CBX2: variants seen among roughly 807,000 people sequenced by gnomAD.
The protein encoded by CBX2 is chromobox protein homolog 2.
CBX2 carries 11 observed loss-of-function variants against 21.0 expected under a neutral mutation model. The ratio of observed to expected loss-of-function variants is 0.52; its 90% CI spans 0.33 to 0.87. CBX2 has a LOEUF of 0.87. Among genes scored for constraint, CBX2 ranks in the 40% least tolerant of loss-of-function variants. The pLI is 0.02. For synonymous variants in CBX2, 364 were observed against 304.6 expected (o/e 1.19, Z -2.03); for missense variants, 746 against 724.3 (o/e 1.03, Z -0.34).
Position 79,784,592 on chromosome 17 carries a change from C to T in CBX2, c.1149C>T (p.Ala383=). The T allele has an allele frequency of 6.2e-7, 1 of 1,612,636 alleles. No individual in the cohort carries two copies. The highest frequency in any genetic ancestry group is 8.5e-7 in the Non-Finnish European group (1 of 1,179,946). Residue 383 remains alanine, a synonymous_variant, in exon 5 of 5, where the codon GCC becomes GCT. Coordinates refer to ENST00000310942, the MANE Select transcript of CBX2 (RefSeq NM_005189.3). This position sits in a 1 kb window ranked among gnomAD's most constrained non-coding sequence, Gnocchi z 5.9. ...CCACCGCCACCAAGGGTGTCCCGGC[C>T]ACCAACCCAGCCCCTGGGAAGGGCA... ...RHATATKGVP[A]TNPAPGKGTG...
chr17:79,784,781 C>A lies in CBX2; in HGVS notation c.1338C>A (p.Pro446=). ...TPSGQESRTA[P]GEARKAATLP... ...GTGGGCAGGAGAGCCGCACAGCCCC[C>A]GGAGAAGCCCGCAAGGCGGCCACAC... The change falls in exon 5 of 5, where the codon CCC becomes CCA. Residue 446 remains proline, a synonymous_variant. Coordinates refer to ENST00000310942, the MANE Select transcript of CBX2 (RefSeq NM_005189.3). The surrounding 1 kb of genome is among the most constrained non-coding windows in gnomAD (Gnocchi z 5.9). 1 of 1,610,260 alleles carries A rather than the reference C, an allele frequency of 6.2e-7. No individual in the cohort carries two copies. The highest frequency in any genetic ancestry group is 2.2e-5 in the East Asian group (1 of 44,696).
chr17:79,781,705 G>A lies in CBX2; in HGVS notation c.192G>A (p.Glu64=). Residue 64 remains glutamate (E), a synonymous_variant, in exon 4 of 5, where the codon GAG becomes GAA. Transcript: ENST00000310942. ...LLLAFQKKEH[E]KEVQNRKRGK... ...AGTGGTGTGCCTTCAGGGAACATGA[G>A]AAGGAGGTGCAGAACCGGAAGAGAG... is the stretch of plus-strand genomic sequence containing the variant. 6.2e-7 allele frequency: 1 copy of A among 1,613,994 alleles called. No individual in the cohort carries two copies. Among genetic ancestry groups the A allele is most frequent in the Non-Finnish European group, 8.5e-7 (1 of 1,179,958 alleles).
At chr17:79,782,944 A>G (rs549119399) in intron 4 of CBX2, among the ~76,000 whole-genome samples, 3 of 152,170 alleles carry the variant, frequency 2.0e-5, no homozygotes, top group Non-Finnish European at 4.4e-5. Flanking sequence ...ACAGTGGTTT[A>G]TTTACCTGTA....
At chr17:79,781,869 G>A (rs543964914) in intron 4 of CBX2, 68 bp downstream of exon 4, 1 of 1,614,178 alleles carries the variant, frequency 6.2e-7, no homozygotes, top group African/African-American at 1.3e-5. Flanking sequence ...GGCAGGCAGA[G>A]GGAGGGTTTG....
chr17:79,782,417 C>G, intron 4 of CBX2: 1 of 1,332,360 alleles, frequency 7.5e-7, no homozygotes, highest in South Asian at 1.5e-5. Context: ...CCCCTGGGGT[C>G]CGTGGTAGGG....
In CBX2 at chr17:79,786,713, A is replaced by G. The variant is rs1291698580; in HGVS notation, c.*1671A>G. On this transcript the variant is annotated 3_prime_UTR_variant, in exon 5 of 5. Transcript: ENST00000310942. ...GCCAGCAGGCATGGGGCTACATTCCAGTGCCTGACTATAGGGAGGCACTCC... is the reference window on the plus strand; with the variant it reads ...GCCAGCAGGCATGGGGCTACATTCCGGTGCCTGACTATAGGGAGGCACTCC... 1.3e-5 allele frequency: 2 copies of G among 152,694 alleles called. No homozygotes were observed. Among genetic ancestry groups the G allele is most frequent in the African/African-American group, 2.4e-5 (1 of 41,452 alleles). 9.5% of individuals were successfully genotyped at this position (152,694 alleles called of 1,614,324 possible).
intron 3 of CBX2, among the ~76,000 whole-genome samples, chr17:79,780,004 C>G (rs548027794): frequency 4.3e-4 from 66 of 152,356 alleles, no homozygotes; most frequent in Non-Finnish European, 7.2e-4. Context: ...AGACTTGTTT[C>G]TGTAATTCTA....
intron 3 of CBX2, 70 bp from the exon 4 acceptor site, chr17:79,781,626 C>T: frequency 7.5e-7 from 1 of 1,333,372 alleles, no homozygotes; most frequent in Non-Finnish European, 1.1e-6. Context: ...TGCTGGAAGC[C>T]ATAGAGTCCC....
chr17:79,783,332 G>T lies in CBX2; in HGVS notation c.289-400G>T, dbSNP rs11869298. On this transcript the variant is annotated intron_variant, in intron 4 of 4. Coordinates refer to ENST00000310942, the MANE Select transcript of CBX2 (RefSeq NM_005189.3). The stretch of plus-strand genomic sequence containing the variant: ...CCACAGGAGTTGATGGCTGCAAGGT[G>T]CCCAGTGTTCCTTGGGGACAGCATG... 5.9e-3 allele frequency among the ~76,000 whole-genome samples: 896 copies of T among 152,264 alleles called. 10 individuals carry two copies. Among genetic ancestry groups the T allele is most frequent in the African/African-American group, 0.02 (830 of 41,554 alleles).
chr17:79,779,277 G>C (rs913429691), intron 2 of CBX2, 85 bp from the exon 3 acceptor site: 2 of 1,303,292 alleles, frequency 1.5e-6, no homozygotes, highest in African/African-American at 1.4e-5. Context: ...GTCGAGGAGC[G>C]GTGAGGGCGA....
At chr17:79,779,961 G>A (rs1598220959) in intron 3 of CBX2, among the ~76,000 whole-genome samples, 2 of 152,398 alleles carry the variant, frequency 1.3e-5, no homozygotes, top group East Asian at 3.9e-4. Flanking sequence ...GCAGCATACA[G>A]TACCAAGTAG....
In CBX2 at chr17:79,778,220, C is replaced by G; in HGVS notation, c.-16C>G. ...ACTGGCGGCGGGCGCCGCGGTCGGG[C>G]TGGCTGCCGGGCAGCATGGAGGAGC... On this transcript the variant is annotated 5_prime_UTR_variant, in exon 1 of 5. Coordinates refer to ENST00000310942, the MANE Select transcript of CBX2 (RefSeq NM_005189.3). The surrounding 1 kb of genome is among the most constrained non-coding windows in gnomAD (Gnocchi z 4.8). The G allele has an allele frequency of 1.0e-5, 14 of 1,355,634 alleles. No homozygotes were observed. Among genetic ancestry groups the G allele is most frequent in the Non-Finnish European group, 1.3e-5 (14 of 1,049,702 alleles). 84.0% of individuals were successfully genotyped at this position (1,355,634 alleles called of 1,614,324 possible).
intron 3 of CBX2, chr17:79,779,824 C>T (rs1907039233): frequency 3.3e-6 from 1 of 306,180 alleles, no homozygotes; most frequent in Non-Finnish European, 6.5e-6. Flanking sequence ...GCAGGTCTGC[C>T]CTTCCAGCCC....
chr17:79,779,380 G>T lies in CBX2; in HGVS notation c.135G>T (p.Pro45=). 1 of 1,613,874 alleles carries T rather than the reference G, an allele frequency of 6.2e-7. No individual in the cohort carries two copies. The highest frequency in any genetic ancestry group is 8.5e-7 in the Non-Finnish European group (1 of 1,179,972). The change falls in exon 3 of 5, where the codon CCG becomes CCT. Residue 45 remains proline (P), a synonymous_variant. Coordinates refer to ENST00000310942, the MANE Select transcript of CBX2 (RefSeq NM_005189.3). ...GWSSKHNSWE[P]EENILDPRLL... is the part of the protein sequence containing the mutation. ...TTTGCAGACATAACAGCTGGGAGCCGGAGGAGAACATCCTGGACCCGAGGC... is the reference window on the plus strand; with the variant it reads ...TTTGCAGACATAACAGCTGGGAGCCTGAGGAGAACATCCTGGACCCGAGGC...
intron 4 of CBX2, chr17:79,782,364 C>A (rs1306236012): frequency 3.5e-6 from 5 of 1,440,794 alleles, no homozygotes; most frequent in Admixed American, 4.9e-5. Context: ...GTCACCCCTC[C>A]TCGCTACAGT....
chr17:79,779,271 A>G (rs1906981496), intron 2 of CBX2, 91 bp from the exon 3 acceptor site: 1 of 1,242,548 alleles, frequency 8.0e-7, no homozygotes, highest in East Asian at 2.4e-5. Context: ...GCCCAAGTCG[A>G]GGAGCGGTGA....
chr17:79,780,214 C>T (rs1448745029), intron 3 of CBX2, among the ~76,000 whole-genome samples: 1 of 152,210 alleles, frequency 6.6e-6, no homozygotes, highest in Non-Finnish European at 1.5e-5. Flanking sequence ...TGGACTTGCC[C>T]TGTGGATAGA....
intron 3 of CBX2, among the ~76,000 whole-genome samples, chr17:79,780,167 G>T (rs1315160554): frequency 6.6e-6 from 1 of 152,222 alleles, no homozygotes; most frequent in African/African-American, 2.4e-5. Flanking sequence ...CAAGATGGGG[G>T]GTGGTTTCAC....
Position 79,784,776 on chromosome 17 carries a change from G to C in CBX2, c.1333G>C (p.Ala445Pro). The stretch of plus-strand genomic sequence containing the variant: ...CCCCAGTGGGCAGGAGAGCCGCACA[G>C]CCCCCGGAGAAGCCCGCAAGGCGGC... ...ATPSGQESRT[A>P]PGEARKAATL... The change falls in exon 5 of 5, where the codon GCC (alanine) becomes CCC (proline). Residue 445 changes from alanine (A) to proline (P), a missense_variant. Physicochemically the swap from Ala to Pro is conservative, Grantham distance 27 (BLOSUM62 -1). This residue lies in a region of CBX2 where 701 missense variants were observed against 650.7 expected (regional missense o/e 1.08). Coordinates refer to ENST00000310942, the MANE Select transcript of CBX2 (RefSeq NM_005189.3). This position sits in a 1 kb window ranked among gnomAD's most constrained non-coding sequence, Gnocchi z 5.9. 1.2e-6 allele frequency: 2 copies of C among 1,610,610 alleles called. No individual in the cohort carries two copies. The highest frequency in any genetic ancestry group is 1.7e-6 in the Non-Finnish European group (2 of 1,178,906).
Sources: gnomAD v4.1 joint callset for allele counts (sites outside exome capture counted in the v4.1 genomes callset) on GRCh38, gnomAD v4.1.1 for gene constraint, gnomAD v4.1.1 regional missense constraint, Gnocchi (gnomAD v3.1) non-coding constraint, MANE v1.5 for transcripts, NCBI Gene and HGNC (gene_info 2026-07-23, HGNC 2026-07-21) for gene names.